UBE2E2: variants seen among roughly 807,000 people sequenced by gnomAD.
UBE2E2 encodes ubiquitin conjugating enzyme E2 E2, also known as ubiquitin-conjugating enzyme E2 E2.
UBE2E2 carries 6 observed loss-of-function variants against 24.7 expected under a neutral mutation model. That is an observed-to-expected ratio of 0.24 (90% CI 0.13 to 0.48). UBE2E2 has a LOEUF of 0.48. Ranked by LOEUF, UBE2E2 falls within the 20% of genes least tolerant of loss-of-function variation. The pLI, the probability that UBE2E2 is intolerant of heterozygous loss-of-function variation, is 0.99. For missense variants in UBE2E2, 169 were observed against 245.0 expected (o/e 0.69, Z 2.07); for synonymous variants, 104 against 83.6 (o/e 1.24, Z -1.33).
intron 3 of UBE2E2, among the ~76,000 whole-genome samples, chr3:23,412,139 A>T (rs1291400343): frequency 6.6e-6 from 1 of 152,190 alleles, no homozygotes; most frequent in Non-Finnish European, 1.5e-5. Flanking sequence ...GTGCAGAATT[A>T]GTTACCAGTT....
chr3:23,324,808 A>G (rs371933676), intron 3 of UBE2E2, among the ~76,000 whole-genome samples: 1 of 151,590 alleles, frequency 6.6e-6, no homozygotes, highest in Non-Finnish European at 1.5e-5. Flanking sequence ...AAAAAAACCT[A>G]AATGGATTCT....
intron 3 of UBE2E2, among the ~76,000 whole-genome samples, chr3:23,325,808 A>T (rs1694874929): frequency 6.6e-6 from 1 of 152,214 alleles, no homozygotes. Flanking sequence ...AAAAATAACT[A>T]GGGAGCCCTT....
intron 3 of UBE2E2, among the ~76,000 whole-genome samples, chr3:23,229,487 C>G (rs1352900492): frequency 2.0e-5 from 3 of 152,088 alleles, no homozygotes; most frequent in Non-Finnish European, 2.9e-5. Flanking sequence ...TTGTGTCATT[C>G]TTATGCTTTT....
chr3:23,446,431 CA>C (rs1698431439), intron 3 of UBE2E2, among the ~76,000 whole-genome samples: 1 of 152,142 alleles, frequency 6.6e-6, no homozygotes, highest in Non-Finnish European at 1.5e-5. Flanking sequence ...AGTATGCTAT[CA>C]TGAATATAAT....
At chr3:23,571,640 G>A (rs948327570) in intron 5 of UBE2E2, among the ~76,000 whole-genome samples, 4 of 151,986 alleles carry the variant, frequency 2.6e-5, no homozygotes, top group Non-Finnish European at 5.9e-5. Flanking sequence ...CGTACAGACC[G>A]CTTTTTTTGC....
chr3:23,360,361 A>C (rs1006075850), intron 3 of UBE2E2, among the ~76,000 whole-genome samples: 6 of 152,182 alleles, frequency 3.9e-5, no homozygotes, highest in African/African-American at 9.7e-5. Context: ...AACAAAGATT[A>C]ATTTTACTTC....
intron 3 of UBE2E2, among the ~76,000 whole-genome samples, chr3:23,457,001 G>A (rs778480): frequency 0.67 from 102,112 of 152,116 alleles, 36,229 homozygotes; most frequent in African/African-American, 0.91. Context: ...CGAGGATTCA[G>A]CAAGGAGATT....
chr3:23,420,178 T>C (rs1050142998), intron 3 of UBE2E2, among the ~76,000 whole-genome samples: 2 of 152,218 alleles, frequency 1.3e-5, no homozygotes, highest in African/African-American at 4.8e-5. Context: ...GTAAGCTCTT[T>C]GACGGCAGTA....
chr3:23,405,842 C>A (rs1697343261), intron 3 of UBE2E2, among the ~76,000 whole-genome samples: 1 of 152,126 alleles, frequency 6.6e-6, no homozygotes, highest in African/African-American at 2.4e-5. Flanking sequence ...TTTGGAGATA[C>A]CCTTTTATCT....
chr3:23,393,888 T>C (rs1697010380), intron 3 of UBE2E2, among the ~76,000 whole-genome samples: 1 of 152,214 alleles, frequency 6.6e-6, no homozygotes, highest in African/African-American at 2.4e-5. Context: ...CACTTACATA[T>C]TGCCTACATC....
intron 5 of UBE2E2, among the ~76,000 whole-genome samples, chr3:23,586,524 C>G (rs1696631524): frequency 6.6e-6 from 1 of 152,096 alleles, no homozygotes; most frequent in Admixed American, 6.6e-5. Context: ...TCTTGAACTC[C>G]TGGCCTCAAG....
intron 3 of UBE2E2, among the ~76,000 whole-genome samples, chr3:23,267,903 A>G (rs1415827823): frequency 7.9e-5 from 12 of 151,258 alleles, no homozygotes; most frequent in Non-Finnish European, 1.6e-4. Flanking sequence ...GGTTCAATAT[A>G]TGCAAATCAA....
At chr3:23,465,941 C>T (rs1392707878) in intron 3 of UBE2E2, among the ~76,000 whole-genome samples, 1 of 151,974 alleles carries the variant, frequency 6.6e-6, no homozygotes, top group Non-Finnish European at 1.5e-5. Flanking sequence ...ATTTATGGGC[C>T]TAGGTACACA....
Position 23,462,934 on chromosome 3 carries a change from C to A in UBE2E2, c.228-36674C>A, listed in dbSNP as rs576111580. On this transcript the variant is annotated intron_variant, in intron 3 of 5. Coordinates refer to ENST00000396703, the MANE Select transcript of UBE2E2 (RefSeq NM_152653.4). Reference sequence around the variant, plus strand: ...CGAATGGTTTGTAATGGTGCCCCATCCCAACTGGAATGTAAAATGCATTAA... The same window carrying A: ...CGAATGGTTTGTAATGGTGCCCCATACCAACTGGAATGTAAAATGCATTAA... Among the ~76,000 whole-genome samples, 4 of 152,094 alleles carry A rather than the reference C, an allele frequency of 2.6e-5. No homozygotes were observed. In the South Asian group the frequency reaches 6.2e-4, roughly 24 times the overall value.
intron 3 of UBE2E2, among the ~76,000 whole-genome samples, chr3:23,252,656 C>A (rs1697606342): frequency 6.6e-6 from 1 of 152,160 alleles, no homozygotes. Flanking sequence ...GCCGCCGCAT[C>A]CAGCTGATTT....
At chr3:23,498,330 T>C (rs1699650794) in intron 3 of UBE2E2, among the ~76,000 whole-genome samples, 1 of 152,224 alleles carries the variant, frequency 6.6e-6, no homozygotes, top group African/African-American at 2.4e-5. Context: ...TTCTCTGTTT[T>C]TCAAATATAA....
At chr3:23,272,914 G>A (rs1285460471) in intron 3 of UBE2E2, among the ~76,000 whole-genome samples, 2 of 152,104 alleles carry the variant, frequency 1.3e-5, no homozygotes, top group Admixed American at 6.5e-5. Context: ...GGAAAAGACT[G>A]ATATTCCATT....
rs1372198423 is a variant in UBE2E2, at chr3:23,590,652, A to C, written c.*821A>C. 1 of 152,530 alleles carries C rather than the reference A, an allele frequency of 6.6e-6. No individual in the cohort carries two copies. The highest frequency in any genetic ancestry group is 6.5e-5 in the Admixed American group (1 of 15,276). The allele number at this position is 152,530 out of a possible 1,614,324, so 9.4% of individuals were successfully genotyped here. On this transcript the variant is annotated 3_prime_UTR_variant, in exon 6 of 6. Transcript: ENST00000396703. ...CCCTACGTGCAGTGAGGCTTGTCTA[A>C]TTCAATTACAGGTTCAAGTGTATTT...
At chr3:23,556,454 T>TAAAAAAAAAAA (rs5847239) in intron 5 of UBE2E2, among the ~76,000 whole-genome samples, 125 of 94,268 alleles carry the variant, frequency 1.3e-3, no homozygotes, top group East Asian at 4.1e-3. Flanking sequence ...AAAATTTATT[T>TAAAAAAAAAAA]AAAAAAAAAA....
Sources: gnomAD v4.1 joint callset for allele counts (sites outside exome capture counted in the v4.1 genomes callset) on GRCh38, gnomAD v4.1.1 for gene constraint, MANE v1.5 for transcripts, NCBI Gene and HGNC (gene_info 2026-07-23, HGNC 2026-07-21) for gene names.